The following PDK1 variants were observed in gnomAD, a reference collection of about 807,000 sequenced individuals.
PDK1 encodes [Pyruvate dehydrogenase (acetyl-transferring)] kinase isozyme 1, mitochondrial.
In PDK1, 39 loss-of-function variants were observed where a neutral mutation model predicts 54.2. That is an observed-to-expected ratio of 0.72 (90% CI 0.56 to 0.94). The LOEUF is 0.94. Ranked by LOEUF, PDK1 falls within the 40% of genes least tolerant of loss-of-function variation. PDK1 has a pLI of 0.00. For synonymous variants in PDK1, 221 were observed against 207.1 expected, an observed-to-expected ratio of 1.07 and a Z score of -0.58; for missense variants, 552 against 566.0, an observed-to-expected ratio of 0.98 and a Z score of 0.25.
the PDK1 span, among the ~76,000 whole-genome samples, chr2:172,705,173 CA>C: frequency 1.3e-5 from 2 of 152,006 alleles, no homozygotes; most frequent in Non-Finnish European, 2.9e-5. Context: ...ATAAAATGTA[CA>C]AAAAAATGTA....
the PDK1 span, among the ~76,000 whole-genome samples, chr2:172,645,027 C>T: frequency 6.6e-6 from 1 of 151,344 alleles, no homozygotes; most frequent in Non-Finnish European, 1.5e-5. Flanking sequence ...CGGTGGTGTG[C>T]TGGAACTAGC....
chr2:172,681,411 T>G, the PDK1 span, among the ~76,000 whole-genome samples: 1 of 152,208 alleles, frequency 6.6e-6, no homozygotes, highest in African/African-American at 2.4e-5. Flanking sequence ...CTTTTCTAAT[T>G]CCCTTGTGAG....
the PDK1 span, among the ~76,000 whole-genome samples, chr2:172,648,630 A>G: frequency 7.6e-4 from 116 of 152,318 alleles, 2 homozygotes; most frequent in East Asian, 0.022. Context: ...GGACACTCCC[A>G]TCCTAATACT....
chr2:172,667,824 G>A, the PDK1 span, among the ~76,000 whole-genome samples: 1 of 152,178 alleles, frequency 6.6e-6, no homozygotes, highest in Admixed American at 6.5e-5. Context: ...AAAGCTTAAT[G>A]AATGCTATAG....
chr2:172,651,550 A>G, the PDK1 span, among the ~76,000 whole-genome samples: 93,642 of 151,988 alleles, frequency 0.62, 30,616 homozygotes, highest in Non-Finnish European at 0.74. Context: ...TTTTGAAAAG[A>G]TCAACAAAAT....
chr2:172,708,181 CG>C, the PDK1 span, among the ~76,000 whole-genome samples: 1 of 151,506 alleles, frequency 6.6e-6, no homozygotes, highest in South Asian at 2.1e-4. Flanking sequence ...CCCAGCTATT[CG>C]GGAGGATGAG....
intron 8 of PDK1, among the ~76,000 whole-genome samples, chr2:172,575,710 T>C (rs1689541569): frequency 6.6e-6 from 1 of 152,158 alleles, no homozygotes; most frequent in South Asian, 2.1e-4. Context: ...TAATCCCAGC[T>C]ACTCGAGAAG....
chr2:172,691,849 G>A, the PDK1 span, among the ~76,000 whole-genome samples: 2 of 152,142 alleles, frequency 1.3e-5, no homozygotes, highest in African/African-American at 4.8e-5. Flanking sequence ...ATAAGTTTTG[G>A]CAATTATGAA....
the PDK1 span, among the ~76,000 whole-genome samples, chr2:172,648,115 C>T: frequency 3.9e-5 from 6 of 152,024 alleles, no homozygotes; most frequent in Non-Finnish European, 8.8e-5. Context: ...CTGCATGCAA[C>T]GTGGGAAGCT....
At chr2:172,676,030 C>G in the PDK1 span, among the ~76,000 whole-genome samples, 1 of 151,992 alleles carries the variant, frequency 6.6e-6, no homozygotes, top group African/African-American at 2.4e-5. Context: ...CAGATGACAG[C>G]ACATCTGTTT....
chr2:172,615,839 A>G, the PDK1 span, among the ~76,000 whole-genome samples: 1 of 152,238 alleles, frequency 6.6e-6, no homozygotes, highest in African/African-American at 2.4e-5. Context: ...GTGCCCGGTA[A>G]AAAAGAACGT....
chr2:172,705,709 A>G, the PDK1 span, among the ~76,000 whole-genome samples: 1 of 152,252 alleles, frequency 6.6e-6, no homozygotes, highest in Non-Finnish European at 1.5e-5. Flanking sequence ...AACTATTTAT[A>G]CAAGTAACTT....
At chr2:172,556,035 C>T (rs548646946), upstream of PDK1, 8 of 741,922 alleles carry the variant, frequency 1.1e-5, no homozygotes, top group African/African-American at 5.6e-5. Context: ...GGGTGGGGGC[C>T]GCGCCGGTGA....
At chr2:172,708,004 C>A in the PDK1 span, among the ~76,000 whole-genome samples, 2 of 152,022 alleles carry the variant, frequency 1.3e-5, no homozygotes, top group Non-Finnish European at 2.9e-5. Flanking sequence ...AGGATAAAAC[C>A]ATTTAGAAAA....
chr2:172,630,824 T>G, the PDK1 span, among the ~76,000 whole-genome samples: 11 of 152,130 alleles, frequency 7.2e-5, no homozygotes, highest in Non-Finnish European at 1.6e-4. Context: ...GAGATGGGGT[T>G]TTGCCATGTT....
chr2:172,720,880 T>TG, the PDK1 span, among the ~76,000 whole-genome samples: 1 of 152,024 alleles, frequency 6.6e-6, no homozygotes, highest in Non-Finnish European at 1.5e-5. Context: ...GCAACTGCAC[T>TG]CCCCTCCTCC....
intron 1 of PDK1, chr2:172,558,247 C>G (rs1310276741): frequency 6.5e-6 from 1 of 152,708 alleles, no homozygotes; most frequent in Non-Finnish European, 1.5e-5. Flanking sequence ...TGCATTCGGA[C>G]CAGCTTAAAG....
chr2:172,656,629 C>T, the PDK1 span, among the ~76,000 whole-genome samples: 6 of 152,136 alleles, frequency 3.9e-5, no homozygotes, highest in Non-Finnish European at 7.4e-5. Context: ...CCCCATGCGG[C>T]TGTATGTGAT....
In PDK1 at chr2:172,605,805, TC is replaced by T. The variant is rs1691272529; in HGVS notation, c.*9837del. 1 of 152,192 alleles carries T rather than the reference TC, an allele frequency of 6.6e-6. No individual in the cohort carries two copies. The highest frequency in any genetic ancestry group is 1.5e-5 in the Non-Finnish European group (1 of 68,054). The allele number at this position is 152,192 out of a possible 1,614,324, so 9.4% of individuals were successfully genotyped here. A position where few individuals can be genotyped will look rare whatever the true frequency, so the allele number is the denominator to read the frequency against. ...TGGAAAATAATTCACCTACTTTGCT[TC>T]TCTCTGACCAACATAGGGGCAGGAT... On this transcript the variant is annotated 3_prime_UTR_variant, in exon 11 of 11. Transcript: ENST00000282077.
Sources: gnomAD v4.1 joint callset for allele counts (sites outside exome capture counted in the v4.1 genomes callset) on GRCh38, gnomAD v4.1.1 for gene constraint, MANE v1.5 for transcripts, NCBI Gene and HGNC (gene_info 2026-07-23, HGNC 2026-07-21) for gene names.